TLCD4: variants seen among roughly 807,000 people sequenced by gnomAD.
TLCD4 encodes the protein TLC domain containing 4, also known as TLC domain-containing protein 4.
In TLCD4, 7 loss-of-function variants were observed where a neutral mutation model predicts 24.2. The observed-to-expected ratio is 0.29, with a 90% CI of 0.16 to 0.54. The LOEUF (loss-of-function observed/expected upper bound fraction) is 0.54. Ranked by LOEUF, TLCD4 falls within the 20% of genes least tolerant of loss-of-function variation. The probability of loss-of-function intolerance (pLI) is 0.95; values close to 1 mark genes in which losing one functional copy is unlikely to be tolerated. For synonymous variants in TLCD4, 103 were observed against 106.4 expected (o/e 0.97, Z 0.20); for missense variants, 259 against 313.9 (o/e 0.82, Z 1.32).
Position 95,191,361 on chromosome 1 carries a change from C to T in TLCD4, c.474-189C>T, listed in dbSNP as rs6695953. Among the ~76,000 whole-genome samples, 679 of 152,266 alleles carry T rather than the reference C, an allele frequency of 4.5e-3. 4 individuals are homozygous for T. Among genetic ancestry groups the T allele is most frequent in the African/African-American group, 0.015 (628 of 41,558 alleles). The stretch of plus-strand genomic sequence containing the variant: ...AACACCATGCTGACTTGATTACTGT[C>T]GCTTTATAGTTAAGTCTTGGAAATG... On this transcript the variant is annotated intron_variant, in intron 6 of 6. Transcript: ENST00000370203.
At chr1:95,183,577 G>A (rs1485432208) in intron 6 of TLCD4, among the ~76,000 whole-genome samples, 1 of 152,134 alleles carries the variant, frequency 6.6e-6, no homozygotes, top group East Asian at 1.9e-4. Flanking sequence ...GGTGGCTCAC[G>A]CCTGTAATCC....
In TLCD4 at chr1:95,177,447, A is replaced by G. The variant is rs75838232; in HGVS notation, c.473+3558A>G. Among the ~76,000 whole-genome samples the G allele has an allele frequency of 1.4e-4, 22 of 152,308 alleles. No individual in the cohort carries two copies. In the East Asian group the frequency reaches 3.3e-3, roughly 23 times the overall value. ...AATGAAGCCTCATGAATAATTTCAA[A>G]GATACTGGCCATTGGAGGCACAAGC... On this transcript the variant is annotated intron_variant, in intron 6 of 6. Transcript: ENST00000370203.
At chr1:95,098,823 G>T in the TLCD4 span, among the ~76,000 whole-genome samples, 1 of 152,080 alleles carries the variant, frequency 6.6e-6, no homozygotes, top group Non-Finnish European at 1.5e-5. Context: ...CCAGCACTTT[G>T]GGAGGCCGAG....
At chr1:95,095,388 G>GTTTTTATTTTTA in the TLCD4 span, among the ~76,000 whole-genome samples, 5 of 151,854 alleles carry the variant, frequency 3.3e-5, no homozygotes, top group East Asian at 3.9e-4. Context: ...CCTCTTTAGG[G>GTTTTTATTTTTA]TTTTTATTTT....
chr1:95,095,947 G>A, the TLCD4 span, among the ~76,000 whole-genome samples: 3 of 152,186 alleles, frequency 2.0e-5, no homozygotes, highest in South Asian at 2.1e-4. Flanking sequence ...TGAGGTAAGC[G>A]ATCAGGAGCC....
chr1:95,106,657 C>T, the TLCD4 span, among the ~76,000 whole-genome samples: 2 of 152,198 alleles, frequency 1.3e-5, no homozygotes, highest in African/African-American at 2.4e-5. Flanking sequence ...GGCACCGCTA[C>T]ACTCCAACCT....
At chr1:95,162,015 G>A (rs1677827232) in intron 5 of TLCD4, among the ~76,000 whole-genome samples, 1 of 152,188 alleles carries the variant, frequency 6.6e-6, no homozygotes, top group Non-Finnish European at 1.5e-5. Context: ...TGTCTATTAG[G>A]TCTGCTTGAT....
intron 1 of TLCD4, chr1:95,140,799 C>T (rs979291325): frequency 2.0e-5 from 3 of 152,238 alleles, no homozygotes; most frequent in African/African-American, 7.2e-5. Flanking sequence ...TCACCAAACT[C>T]TTGCAGGCCC....
chr1:95,143,846 G>T, intron 1 of TLCD4, 45 bp from the exon 2 acceptor site: 1 of 1,322,888 alleles, frequency 7.6e-7, no homozygotes, highest in Non-Finnish European at 9.7e-7. Flanking sequence ...ATTACTCTAG[G>T]TTTATTATGA....
At chr1:95,116,862 C>T (rs1303323043), upstream of TLCD4, among the ~76,000 whole-genome samples, 2 of 152,146 alleles carry the variant, frequency 1.3e-5, no homozygotes, top group African/African-American at 2.4e-5. Flanking sequence ...CTTCTACACG[C>T]GCCCCCTACC....
chr1:95,190,096 C>CTTTTTTTTT (rs71097254), intron 6 of TLCD4, among the ~76,000 whole-genome samples: 1 of 135,144 alleles, frequency 7.4e-6, no homozygotes, highest in Non-Finnish European at 1.7e-5. Flanking sequence ...TTTGCACTTT[C>CTTTTTTTTT]TTTTTTTTTT....
At chr1:95,128,150 CAT>C (rs1158054565) in intron 1 of TLCD4, among the ~76,000 whole-genome samples, 7 of 152,120 alleles carry the variant, frequency 4.6e-5, no homozygotes, top group South Asian at 4.1e-4. Context: ...ACGTAAATCA[CAT>C]GTGTACTCTG....
At chr1:95,127,270 T>A (rs1290067138) in intron 1 of TLCD4, among the ~76,000 whole-genome samples, 1 of 151,974 alleles carries the variant, frequency 6.6e-6, no homozygotes, top group Non-Finnish European at 1.5e-5. Flanking sequence ...TAATACCACT[T>A]CCTTTCCTGT....
At chr1:95,116,290 A>C (rs900371793), upstream of TLCD4, among the ~76,000 whole-genome samples, 1 of 152,246 alleles carries the variant, frequency 6.6e-6, no homozygotes, top group Middle Eastern at 3.4e-3. Flanking sequence ...ACTCTAATAA[A>C]CTGACAGAAT....
intron 6 of TLCD4, among the ~76,000 whole-genome samples, chr1:95,182,462 TAATA>T (rs1035865822): frequency 3.3e-5 from 5 of 152,244 alleles, no homozygotes; most frequent in South Asian, 2.1e-4. Flanking sequence ...CTAATAAAAA[TAATA>T]AATAATTCTT....
intron 5 of TLCD4, among the ~76,000 whole-genome samples, chr1:95,170,105 A>G (rs1418243018): frequency 6.6e-6 from 1 of 152,210 alleles, no homozygotes; most frequent in Admixed American, 6.5e-5. Context: ...TTCTCTAAAC[A>G]TTGAATGTAG....
At position 95,159,115 on chromosome 1, in the gene TLCD4, C is replaced by G. The variant is rs990248170; in HGVS notation, c.399+7696C>G. The stretch of plus-strand genomic sequence containing the variant: ...TCCACAATGGTTGAACTAGTTTACA[C>G]TCCCACCAATGGTGTAAAAGTGTAC... On this transcript the variant is annotated intron_variant, in intron 5 of 6. Coordinates refer to ENST00000370203, the MANE Select transcript of TLCD4 (RefSeq NM_152487.3). Among the ~76,000 whole-genome samples the G allele has an allele frequency of 1.1e-3, 174 of 152,276 alleles. No homozygotes were observed. In the Middle Eastern group the frequency reaches 0.034, roughly 30 times the overall value.
intron 1 of TLCD4, among the ~76,000 whole-genome samples, chr1:95,140,027 C>T (rs1190855965): frequency 1.3e-5 from 2 of 152,062 alleles, no homozygotes; most frequent in Admixed American, 1.3e-4. Context: ...GCTGTCATCT[C>T]CTATGAGAAC....
At chr1:95,146,876 A>T (rs1446200686) in intron 2 of TLCD4, among the ~76,000 whole-genome samples, 1 of 152,162 alleles carries the variant, frequency 6.6e-6, no homozygotes, top group Non-Finnish European at 1.5e-5. Context: ...TCAAAAGAGA[A>T]GTGAATCTGA....
Sources: gnomAD v4.1 joint callset for allele counts (sites outside exome capture counted in the v4.1 genomes callset) on GRCh38, gnomAD v4.1.1 for gene constraint, MANE v1.5 for transcripts, NCBI Gene and HGNC (gene_info 2026-07-23, HGNC 2026-07-21) for gene names.